The following FRMD3 variants were observed in gnomAD, a reference collection of about 807,000 sequenced individuals.
The protein encoded by FRMD3 is FERM domain containing 3.
In FRMD3, 33 loss-of-function variants were observed where a neutral mutation model predicts 70.2. The observed-to-expected ratio is 0.47, with a 90% CI of 0.36 to 0.63. The LOEUF is 0.63. FRMD3 is among the 20% of genes least tolerant of loss of function. The pLI is 0.00. For missense variants in FRMD3, 632 were observed against 711.4 expected (o/e 0.89, Z 1.27); for synonymous variants, 279 against 255.9 (o/e 1.09, Z -0.86).
At chr9:83,393,473 A>C (rs1825724652) in intron 1 of FRMD3, among the ~76,000 whole-genome samples, 1 of 152,144 alleles carries the variant, frequency 6.6e-6, no homozygotes, top group South Asian at 2.1e-4. Context: ...AGGATGATTC[A>C]GGCACCTAAC....
At chr9:83,520,342 T>G (rs1829544465) in intron 1 of FRMD3, among the ~76,000 whole-genome samples, 2 of 152,208 alleles carry the variant, frequency 1.3e-5, no homozygotes, top group Admixed American at 1.3e-4. Flanking sequence ...GAAAAATTTC[T>G]TATAGTTTTG....
In FRMD3 at chr9:83,367,260, G is replaced by A. The variant is rs191288323; in HGVS notation, c.295+5653C>T. ...GGACATGGCAATGGCATAGGGAAAT[G>A]AGAAGGGTATTCCCTCAGCACTGCC... On this transcript the variant is annotated intron_variant, in intron 3 of 13. Transcript: ENST00000304195. 9.3e-4 allele frequency among the ~76,000 whole-genome samples: 141 copies of A among 152,306 alleles called. 2 individuals carry two copies. Among genetic ancestry groups the A allele is most frequent in the Non-Finnish European group, 5.1e-4 (35 of 68,020 alleles).
In FRMD3 at chr9:83,244,661, A is replaced by G. The variant is rs1832003077; in HGVS notation, c.*3257T>C. 2.0e-6 allele frequency: 2 copies of G among 985,154 alleles called. No individual in the cohort carries two copies. Among genetic ancestry groups the G allele is most frequent in the Middle Eastern group, 5.2e-4 (1 of 1,914 alleles). 61.0% of individuals were successfully genotyped at this position (985,154 alleles called of 1,614,324 possible). Reference sequence around the variant, plus strand: ...ATTTTTATTAGGGATTCCTGCCACCATATTAACATATAAAACAATCTGGAT... The same window carrying G: ...ATTTTTATTAGGGATTCCTGCCACCGTATTAACATATAAAACAATCTGGAT... On this transcript the variant is annotated 3_prime_UTR_variant, in exon 14 of 14. Transcript: ENST00000304195.
intron 1 of FRMD3, among the ~76,000 whole-genome samples, chr9:83,525,183 T>A (rs1196637076): frequency 3.9e-5 from 6 of 152,232 alleles, no homozygotes; most frequent in Non-Finnish European, 8.8e-5. Flanking sequence ...ACTAGAGTTT[T>A]AAAGCAACAA....
Position 83,404,269 on chromosome 9 carries a change from T to C in FRMD3, c.148-14561A>G, listed in dbSNP as rs546109230. Among the ~76,000 whole-genome samples, 6 of 152,320 alleles carry C rather than the reference T, an allele frequency of 3.9e-5. No homozygotes were observed. The East Asian group carries it at 1.2e-3, about 29-fold the overall frequency. ...TACACAGCAACTCAAGCTGAGGGTG[T>C]TTCATTTTTATGAAACTAAAAATGT... On this transcript the variant is annotated intron_variant, in intron 1 of 13. Transcript: ENST00000304195.
intron 1 of FRMD3, among the ~76,000 whole-genome samples, chr9:83,472,554 G>C (rs192963926): frequency 2.0e-5 from 3 of 152,042 alleles, no homozygotes; most frequent in Admixed American, 2.0e-4. Flanking sequence ...CCACCCAAAG[G>C]AACGCCACAC....
upstream of FRMD3, chr9:83,538,466 T>C (rs1177163531): frequency 5.7e-6 from 2 of 350,130 alleles, no homozygotes; most frequent in Non-Finnish European, 5.1e-6. This position sits in a 1 kb window ranked among gnomAD's most constrained non-coding sequence, Gnocchi z 4.7. Context: ...CCTCCTTCTG[T>C]CGCGCGCGCT....
chr9:83,426,757 C>T (rs1826822798), intron 1 of FRMD3, among the ~76,000 whole-genome samples: 1 of 152,184 alleles, frequency 6.6e-6, no homozygotes, highest in Admixed American at 6.5e-5. Context: ...AGGTGGTAAA[C>T]AGAGAAGCTT....
intron 13 of FRMD3, among the ~76,000 whole-genome samples, chr9:83,259,392 G>A (rs1211234833): frequency 6.6e-6 from 1 of 152,134 alleles, no homozygotes; most frequent in African/African-American, 2.4e-5. Context: ...GGATGCTAAG[G>A]AGTTGAGTTG....
At chr9:83,370,166 TA>T (rs1824924266) in intron 3 of FRMD3, among the ~76,000 whole-genome samples, 1 of 152,142 alleles carries the variant, frequency 6.6e-6, no homozygotes, top group Non-Finnish European at 1.5e-5. Flanking sequence ...GATACGAGCA[TA>T]AAAGGATGAA....
At chr9:83,278,698 C>A (rs990779976) in intron 13 of FRMD3, among the ~76,000 whole-genome samples, 2 of 152,078 alleles carry the variant, frequency 1.3e-5, no homozygotes, top group African/African-American at 4.8e-5. Context: ...CAAGCAGGGG[C>A]ACGTCCCCAG....
chr9:83,313,826 T>C, intron 6 of FRMD3, 79 bp from the exon 7 acceptor site: 1 of 1,061,780 alleles, frequency 9.4e-7, no homozygotes. Context: ...CAATAAAGTA[T>C]GGTGTTCTAA....
intron 13 of FRMD3, among the ~76,000 whole-genome samples, chr9:83,250,385 C>T (rs1160380474): frequency 6.6e-6 from 1 of 151,880 alleles, no homozygotes; most frequent in African/African-American, 2.4e-5. Flanking sequence ...GCCACTCAGG[C>T]ACACACAGAG....
intron 1 of FRMD3, chr9:83,467,585 G>C: frequency 7.8e-7 from 1 of 1,280,706 alleles, no homozygotes; most frequent in Non-Finnish European, 1.1e-6. Context: ...AAGCGTACCT[G>C]AGTTGATTAC....
chr9:83,303,130 CA>C (rs1164566284), intron 10 of FRMD3, among the ~76,000 whole-genome samples: 20 of 152,294 alleles, frequency 1.3e-4, no homozygotes, highest in Admixed American at 6.5e-4. Context: ...CTAGAATTAA[CA>C]ACACTATTTC....
intron 1 of FRMD3, among the ~76,000 whole-genome samples, chr9:83,448,847 C>A (rs1827557112): frequency 6.6e-6 from 1 of 152,222 alleles, no homozygotes; most frequent in African/African-American, 2.4e-5. Context: ...TGCTTTTCAG[C>A]TTTATTGTTA....
At chr9:83,351,307 A>C (rs1314573572) in intron 3 of FRMD3, among the ~76,000 whole-genome samples, 2 of 110,702 alleles carry the variant, frequency 1.8e-5, no homozygotes, top group Admixed American at 2.0e-4. Flanking sequence ...TGATCTCAGC[A>C]GAGAAAAACT....
chr9:83,323,663 TA>T (rs1835898616), intron 6 of FRMD3, among the ~76,000 whole-genome samples: 1 of 152,184 alleles, frequency 6.6e-6, no homozygotes, highest in African/African-American at 2.4e-5. Flanking sequence ...TCCAGAACTG[TA>T]AAAAATAAAT....
At position 83,315,442 on chromosome 9, in the gene FRMD3, G is replaced by A. The variant is rs182938019; in HGVS notation, c.597-1695C>T. 2.3e-4 allele frequency among the ~76,000 whole-genome samples: 35 copies of A among 152,228 alleles called. 1 individual carries two copies. Among genetic ancestry groups the A allele is most frequent in the African/African-American group, 6.5e-4 (27 of 41,534 alleles). On this transcript the variant is annotated intron_variant, in intron 6 of 13. Transcript: ENST00000304195. The stretch of plus-strand genomic sequence containing the variant: ...CTCATGTCGAATTGTAATCCCCAAC[G>A]TTGGAGGAGGGGCCTGGCGGGAGGT...
Sources: gnomAD v4.1 joint callset for allele counts (sites outside exome capture counted in the v4.1 genomes callset) on GRCh38, gnomAD v4.1.1 for gene constraint, Gnocchi (gnomAD v3.1) non-coding constraint, MANE v1.5 for transcripts, NCBI Gene and HGNC (gene_info 2026-07-23, HGNC 2026-07-21) for gene names.